Variants in HIRA observed in about 807,000 individuals in gnomAD.
HIRA encodes protein HIRA.
Under a neutral mutation model 126.6 loss-of-function variants are expected in HIRA, and 13 were observed. That is an observed-to-expected ratio of 0.10 (90% confidence interval 0.07 to 0.16). The LOEUF is 0.16. Among genes scored for constraint, HIRA ranks in the 10% least tolerant of loss-of-function variants. The probability of loss-of-function intolerance (pLI) is 1.00; values close to 1 mark genes in which losing one functional copy is unlikely to be tolerated. For synonymous variants in HIRA, 511 were observed against 520.0 expected (o/e 0.98, Z 0.24); for missense variants, 834 against 1,314.4 (o/e 0.63, Z 5.65).
intron 15 of HIRA, chr22:19,365,806 T>G (rs2088906861): frequency 6.6e-6 from 1 of 151,822 alleles, no homozygotes; most frequent in Non-Finnish European, 1.5e-5. Context: ...GCAGGAGGAC[T>G]GTTTAAGTCC....
chr22:19,353,129 C>CT (rs1402934560), intron 23 of HIRA, among the ~76,000 whole-genome samples: 3 of 152,244 alleles, frequency 2.0e-5, no homozygotes, highest in African/African-American at 7.2e-5. Flanking sequence ...GTCCTGCTGC[C>CT]TGTCCTGCTG....
At chr22:19,399,657 C>T (rs1175433206) in intron 5 of HIRA, among the ~76,000 whole-genome samples, 2 of 152,202 alleles carry the variant, frequency 1.3e-5, no homozygotes, top group Non-Finnish European at 2.9e-5. Context: ...AAACTGTAGA[C>T]TGCTTTTCCA....
At chr22:19,333,034 G>A (rs5748133) in intron 24 of HIRA, among the ~76,000 whole-genome samples, 9,841 of 152,086 alleles carry the variant, frequency 0.065, 489 homozygotes, top group South Asian at 0.13. Context: ...TCAGTTACCC[G>A]AGTAGCTGGG....
At chr22:19,343,240 G>A (rs529511287) in intron 24 of HIRA, among the ~76,000 whole-genome samples, 1 of 152,234 alleles carries the variant, frequency 6.6e-6, no homozygotes, top group East Asian at 1.9e-4. Flanking sequence ...AGCATAGTCA[G>A]TGGGATGACA....
intron 7 of HIRA, 127 bp from the exon 8 acceptor site, chr22:19,394,636 G>A: frequency 1.1e-6 from 1 of 924,248 alleles, no homozygotes; most frequent in Non-Finnish European, 1.6e-6. Flanking sequence ...CCAAGCTTCT[G>A]GCTACACTGA....
chr22:19,380,098 C>T (rs145937311), intron 13 of HIRA, among the ~76,000 whole-genome samples: 7 of 152,250 alleles, frequency 4.6e-5, no homozygotes, highest in African/African-American at 1.2e-4. Context: ...TGAGCCACCA[C>T]GCCCAGACAG....
intron 15 of HIRA, among the ~76,000 whole-genome samples, chr22:19,373,152 T>G (rs1478513466): frequency 6.6e-6 from 1 of 152,248 alleles, no homozygotes; most frequent in East Asian, 1.9e-4. Context: ...TTATAGTTTT[T>G]GCTCTTACAT....
intron 13 of HIRA, 94 bp downstream of exon 13, chr22:19,383,525 GA>G (rs1601833775): frequency 2.0e-6 from 2 of 984,656 alleles, no homozygotes; most frequent in Non-Finnish European, 3.2e-6. Flanking sequence ...GGTTGTGAAG[GA>G]CCCGTGAAGA....
intron 1 of HIRA, among the ~76,000 whole-genome samples, chr22:19,422,222 A>G (rs2089454145): frequency 7.2e-6 from 1 of 138,530 alleles, no homozygotes; most frequent in African/African-American, 2.5e-5. Flanking sequence ...ACATATATAT[A>G]TTACATATAC....
chr22:19,347,637 C>T (rs2088701258), intron 24 of HIRA, among the ~76,000 whole-genome samples: 1 of 152,178 alleles, frequency 6.6e-6, no homozygotes, highest in Admixed American at 6.5e-5. Context: ...GGCAGAACTT[C>T]TACCAAACTT....
intron 17 of HIRA, 92 bp from the exon 18 acceptor site, chr22:19,359,576 C>G: frequency 7.5e-7 from 1 of 1,331,958 alleles, no homozygotes; most frequent in South Asian, 1.7e-5. Flanking sequence ...CCCAAGGCAG[C>G]AGCAGGATAC....
intron 9 of HIRA, among the ~76,000 whole-genome samples, chr22:19,389,398 C>T (rs2089156821): frequency 6.6e-6 from 1 of 152,116 alleles, no homozygotes; most frequent in African/African-American, 2.4e-5. Flanking sequence ...AACTGCAGGA[C>T]AATGGGCAGG....
At chr22:19,367,075 C>T (rs2088920767) in intron 15 of HIRA, among the ~76,000 whole-genome samples, 1 of 152,250 alleles carries the variant, frequency 6.6e-6, no homozygotes, top group East Asian at 1.9e-4. Flanking sequence ...TATTGGCATA[C>T]ATTGAAATAT....
Position 19,378,022 on chromosome 22 carries a change from G to T in HIRA, c.1460C>A (p.Ser487Tyr). The stretch of plus-strand genomic sequence containing the variant: ...AGAAGAGAGCATGGTGCCCGCCAGG[G>T]AGCCCGAGAGGGGGATGCTGTTAAA... ...AFFNSIPLSGSLAGTMLSSHS... is the reference protein window; with the variant it reads ...AFFNSIPLSGYLAGTMLSSHS... The change falls in exon 14 of 25, where the codon TCC (serine) becomes TAC (tyrosine). Residue 487 changes from serine to tyrosine, a missense_variant. Coordinates refer to ENST00000263208, the MANE Select transcript of HIRA (RefSeq NM_003325.4). The T allele has an allele frequency of 6.2e-7, 1 of 1,604,124 alleles. No individual in the cohort carries two copies. The highest frequency in any genetic ancestry group is 8.5e-7 in the Non-Finnish European group (1 of 1,174,652).
rs782669615 is a variant in HIRA, at chr22:19,351,434, C to T, written c.2861G>A (p.Arg954Gln). The T allele has an allele frequency of 1.5e-5, 24 of 1,612,710 alleles. No homozygotes were observed. The highest frequency in any genetic ancestry group is 1.9e-5 in the Non-Finnish European group (22 of 1,179,342). ...RYLVNEGFEY[R>Q]LREICKDLLG... Reference sequence around the variant, plus strand: ...TAAGTCCTTGCATATTTCTCGAAGTCGGTATTCAAACCCTAATTACAGAAA... The same window carrying T: ...TAAGTCCTTGCATATTTCTCGAAGTTGGTATTCAAACCCTAATTACAGAAA... Residue 954 changes from arginine to glutamine, a missense_variant, in exon 24 of 25, where the codon CGA becomes CAA. Arg to Gln is a conservative substitution (Grantham distance 43). Transcript: ENST00000263208. The surrounding 1 kb of genome is among the most constrained non-coding windows in gnomAD (Gnocchi z 4.8).
At chr22:19,347,053 C>T (rs1013562262) in intron 24 of HIRA, among the ~76,000 whole-genome samples, 1 of 152,146 alleles carries the variant, frequency 6.6e-6, no homozygotes, top group African/African-American at 2.4e-5. Flanking sequence ...TGAGCTTTGG[C>T]GGGCATCTTG....
intron 1 of HIRA, among the ~76,000 whole-genome samples, chr22:19,420,411 A>G (rs1382878753): frequency 1.4e-5 from 2 of 140,670 alleles, no homozygotes; most frequent in Non-Finnish European, 3.0e-5. Flanking sequence ...GGCTGCAGTG[A>G]GCCGTGATCA....
intron 9 of HIRA, among the ~76,000 whole-genome samples, chr22:19,389,128 T>G (rs1162650260): frequency 2.0e-5 from 3 of 152,232 alleles, no homozygotes; most frequent in Non-Finnish European, 2.9e-5. Flanking sequence ...TTCTATTTTG[T>G]GCAAATATTT....
chr22:19,392,829 G>A (rs777266062), intron 8 of HIRA, among the ~76,000 whole-genome samples: 10 of 152,154 alleles, frequency 6.6e-5, no homozygotes, highest in African/African-American at 2.2e-4. Flanking sequence ...GAACTACCCC[G>A]AGAGTAACTT....
Sources: gnomAD v4.1 joint callset for allele counts (sites outside exome capture counted in the v4.1 genomes callset) on GRCh38, gnomAD v4.1.1 for gene constraint, Gnocchi (gnomAD v3.1) non-coding constraint, MANE v1.5 for transcripts, NCBI Gene and HGNC (gene_info 2026-07-23, HGNC 2026-07-21) for gene names.